The following SYNPR variants were observed in gnomAD, a reference collection of about 807,000 sequenced individuals.
The protein encoded by SYNPR is synaptoporin.
SYNPR carries 23 observed loss-of-function variants against 32.9 expected under a neutral mutation model. The ratio of observed to expected loss-of-function variants is 0.70; its 90% CI spans 0.50 to 0.99. The LOEUF (loss-of-function observed/expected upper bound fraction) is 0.99. Ranked by LOEUF, SYNPR falls within the 50% of genes least tolerant of loss-of-function variation. The probability of loss-of-function intolerance (pLI) is 0.00; values close to 1 mark genes in which losing one functional copy is unlikely to be tolerated. For missense variants in SYNPR, 318 were observed against 349.3 expected (o/e 0.91, Z 0.71); for synonymous variants, 146 against 135.9 (o/e 1.07, Z -0.52).
At chr3:63,462,274 C>T (rs1700597655) in intron 2 of SYNPR, among the ~76,000 whole-genome samples, 1 of 152,060 alleles carries the variant, frequency 6.6e-6, no homozygotes, top group African/African-American at 2.4e-5. Context: ...TACCATTGTA[C>T]CTCCTTGTAC....
At chr3:63,210,012 T>A in the SYNPR span, among the ~76,000 whole-genome samples, 3 of 152,014 alleles carry the variant, frequency 2.0e-5, no homozygotes, top group African/African-American at 7.3e-5. Flanking sequence ...ACAGAGTCCA[T>A]ATTAGCTAAA....
the SYNPR span, among the ~76,000 whole-genome samples, chr3:63,204,086 C>T: frequency 7.2e-5 from 11 of 152,150 alleles, no homozygotes; most frequent in Admixed American, 7.2e-4. Context: ...CCTTGTGGGG[C>T]CTGGCCTGCT....
chr3:63,255,079 C>T (rs2086370602), intron 2 of SYNPR, among the ~76,000 whole-genome samples: 1 of 152,124 alleles, frequency 6.6e-6, no homozygotes, highest in Non-Finnish European at 1.5e-5. Context: ...TATGGCAGCC[C>T]TTGTTGGTTT....
chr3:63,204,987 C>T, the SYNPR span, among the ~76,000 whole-genome samples: 106 of 152,314 alleles, frequency 7.0e-4, no homozygotes, highest in Middle Eastern at 6.8e-3. Flanking sequence ...TACGCCCAGC[C>T]AGAGTAATTC....
chr3:63,259,332 C>A (rs986899173), intron 2 of SYNPR, among the ~76,000 whole-genome samples: 2 of 152,206 alleles, frequency 1.3e-5, no homozygotes, highest in African/African-American at 4.8e-5. Flanking sequence ...CAATAAAATA[C>A]TGACACACCG....
chr3:63,445,475 T>C (rs1700259203), intron 2 of SYNPR: 1 of 676,130 alleles, frequency 1.5e-6, no homozygotes, highest in Non-Finnish European at 2.7e-6. Flanking sequence ...ATTAAAGACT[T>C]TTGTCATTTG....
At chr3:63,593,586 G>A (rs1463597540) in intron 4 of SYNPR, among the ~76,000 whole-genome samples, 2 of 152,218 alleles carry the variant, frequency 1.3e-5, no homozygotes, top group South Asian at 4.2e-4. Flanking sequence ...AGTTTTCTGG[G>A]AACAGTCTAG....
intron 1 of SYNPR, among the ~76,000 whole-genome samples, chr3:63,235,944 G>T (rs1575572025): frequency 6.6e-6 from 1 of 151,738 alleles, no homozygotes; most frequent in Non-Finnish European, 1.5e-5. Context: ...ATTTTACCTA[G>T]CCCTGGATAC....
intron 2 of SYNPR, among the ~76,000 whole-genome samples, chr3:63,407,591 G>A (rs1013042105): frequency 1.3e-5 from 2 of 152,078 alleles, no homozygotes; most frequent in African/African-American, 4.8e-5. Flanking sequence ...TTATTTATCA[G>A]CATTAATATC....
chr3:63,312,530 C>T (rs1232430057), intron 2 of SYNPR, among the ~76,000 whole-genome samples: 9 of 151,912 alleles, frequency 5.9e-5, no homozygotes, highest in Admixed American at 5.9e-4. Flanking sequence ...TCAGCAGATG[C>T]ACTCATTTTC....
chr3:63,522,066 G>T (rs775136884), intron 3 of SYNPR, among the ~76,000 whole-genome samples: 1 of 152,188 alleles, frequency 6.6e-6, no homozygotes, highest in East Asian at 1.9e-4. Context: ...GAGTTTCAAG[G>T]TTGTCAAATT....
intron 2 of SYNPR, among the ~76,000 whole-genome samples, chr3:63,377,490 G>A (rs17068400): frequency 0.22 from 33,121 of 151,876 alleles, 3,811 homozygotes; most frequent in Middle Eastern, 0.29. Flanking sequence ...ATTTCAGTAC[G>A]TCATGCCAAC....
chr3:63,597,163 C>T (rs1378233464), intron 4 of SYNPR, among the ~76,000 whole-genome samples: 1 of 152,102 alleles, frequency 6.6e-6, no homozygotes, highest in African/African-American at 2.4e-5. Context: ...CTATTTGTGG[C>T]TTGCATTAGA....
chr3:63,578,113 G>A (rs1255010427), intron 4 of SYNPR, among the ~76,000 whole-genome samples: 3 of 152,140 alleles, frequency 2.0e-5, no homozygotes, highest in African/African-American at 7.2e-5. Flanking sequence ...TTGCAAGTAA[G>A]GCCCAAGATG....
At chr3:63,283,290 C>G (rs996223714) in intron 2 of SYNPR, among the ~76,000 whole-genome samples, 46 of 152,276 alleles carry the variant, frequency 3.0e-4, no homozygotes, top group African/African-American at 1.1e-3. Flanking sequence ...TTCACGGATA[C>G]AGTAGATTTA....
At chr3:63,322,645 T>TGC (rs1445177448) in intron 2 of SYNPR, among the ~76,000 whole-genome samples, 23 of 152,112 alleles carry the variant, frequency 1.5e-4, no homozygotes, top group Admixed American at 1.5e-3. Flanking sequence ...CCTGTCCCCA[T>TGC]TCTACAAACA....
chr3:63,611,851 C>T (rs1454897926), intron 5 of SYNPR, among the ~76,000 whole-genome samples: 3 of 152,102 alleles, frequency 2.0e-5, no homozygotes, highest in East Asian at 1.9e-4. Context: ...AGATGCCCAC[C>T]TCAGTCTCAT....
intron 2 of SYNPR, among the ~76,000 whole-genome samples, chr3:63,466,562 G>A (rs1700684778): frequency 6.6e-6 from 1 of 151,844 alleles, no homozygotes; most frequent in South Asian, 2.1e-4. Flanking sequence ...AGACATCAGT[G>A]CTTAGACTTA....
chr3:63,408,324 GAAAGAAAGAAAGAAAGAAA>G (rs2088412727), intron 2 of SYNPR, among the ~76,000 whole-genome samples: 1 of 109,714 alleles, frequency 9.1e-6, no homozygotes, highest in East Asian at 3.1e-4. Flanking sequence ...AGGAAGGAAA[GAAAGAAAGAAAGAAAGAAA>G]GAAAGAAAGA....
Sources: allele counts gnomAD v4.1 joint callset (sites outside exome capture counted in the v4.1 genomes callset), GRCh38; gene constraint gnomAD v4.1.1; transcripts MANE v1.5; gene names NCBI Gene and HGNC (gene_info 2026-07-23, HGNC 2026-07-21).